The following MTRF1 variants were observed in gnomAD, a reference collection of about 807,000 sequenced individuals.
MTRF1 encodes peptide chain release factor 1, mitochondrial.
A neutral mutation model predicts 62.9 loss-of-function variants in MTRF1; 51 were observed. That is an observed-to-expected ratio of 0.81 (90% CI 0.65 to 1.02). The LOEUF is 1.02. MTRF1 is among the 50% of genes least tolerant of loss of function. MTRF1 has a pLI of 0.00. For missense variants in MTRF1, 446 were observed against 530.0 expected (o/e 0.84, Z 1.56); for synonymous variants, 158 against 181.9 (o/e 0.87, Z 1.06).
At chr13:41,287,869 C>T in the MTRF1 span, 18 of 338,950 alleles carry the variant, frequency 5.3e-5, no homozygotes, top group Admixed American at 1.6e-4. Context: ...TATTTTAAAG[C>T]GCCAATCTCC....
chr13:41,225,065 A>T (rs2034114620), intron 8 of MTRF1, among the ~76,000 whole-genome samples: 1 of 152,064 alleles, frequency 6.6e-6, no homozygotes, highest in Non-Finnish European at 1.5e-5. Flanking sequence ...TACAAAAATG[A>T]GCCAGGCATG....
the MTRF1 span, among the ~76,000 whole-genome samples, chr13:41,306,130 C>T: frequency 6.6e-6 from 1 of 152,074 alleles, no homozygotes; most frequent in African/African-American, 2.4e-5. Flanking sequence ...CGCCTGTAAT[C>T]CCAGCACTTT....
At chr13:41,232,162 AG>A (rs1010113642) in intron 7 of MTRF1, among the ~76,000 whole-genome samples, 1 of 152,148 alleles carries the variant, frequency 6.6e-6, no homozygotes, top group African/African-American at 2.4e-5. Context: ...AGAGAACTTC[AG>A]GGAAACTAAA....
intron 7 of MTRF1, chr13:41,229,573 C>T (rs1471933393): frequency 1.3e-5 from 2 of 152,118 alleles, no homozygotes; most frequent in Admixed American, 6.5e-5. Context: ...TTTATGGCTA[C>T]ATAGGGTGGT....
At chr13:41,292,580 C>CAAAA in the MTRF1 span, among the ~76,000 whole-genome samples, 3 of 61,226 alleles carry the variant, frequency 4.9e-5, no homozygotes, top group African/African-American at 1.2e-4. Context: ...GATTCTGTCT[C>CAAAA]AAAAAAAAAA....
At chr13:41,282,070 G>A in the MTRF1 span, among the ~76,000 whole-genome samples, 4 of 151,636 alleles carry the variant, frequency 2.6e-5, no homozygotes, top group Admixed American at 2.0e-4. Context: ...CCCGGGAGGC[G>A]GAGCTTGCAG....
the MTRF1 span, among the ~76,000 whole-genome samples, chr13:41,287,185 T>C: frequency 1.3e-5 from 2 of 152,210 alleles, no homozygotes; most frequent in East Asian, 1.9e-4. Context: ...TTTAATTGGC[T>C]CACGGTTTTG....
chr13:41,222,981 G>A (rs2033702864), intron 9 of MTRF1, among the ~76,000 whole-genome samples: 1 of 152,182 alleles, frequency 6.6e-6, no homozygotes, highest in South Asian at 2.1e-4. Flanking sequence ...CAATACCCAT[G>A]TATATATGCA....
the MTRF1 span, among the ~76,000 whole-genome samples, chr13:41,307,341 C>T: frequency 6.6e-6 from 1 of 152,162 alleles, no homozygotes; most frequent in African/African-American, 2.4e-5. Context: ...AAGTGTGTAG[C>T]ACCGCTGGGC....
the MTRF1 span, among the ~76,000 whole-genome samples, chr13:41,294,551 A>T: frequency 1.4e-4 from 21 of 152,152 alleles, no homozygotes; most frequent in Non-Finnish European, 2.5e-4. Context: ...AGAACCGGTA[A>T]GTAGGAGAGT....
the MTRF1 span, among the ~76,000 whole-genome samples, chr13:41,274,321 G>A: frequency 6.6e-6 from 1 of 152,176 alleles, no homozygotes; most frequent in Admixed American, 6.6e-5. Context: ...AGATCCTCAT[G>A]TTTCAGCTCG....
chr13:41,265,431 A>G (rs1679032488), upstream of MTRF1, among the ~76,000 whole-genome samples: 1 of 152,174 alleles, frequency 6.6e-6, no homozygotes, highest in Non-Finnish European at 1.5e-5. Context: ...CAAAAAAAAA[A>G]AAAAGTAGTC....
chr13:41,239,164 G>T (rs1010632289), intron 6 of MTRF1, among the ~76,000 whole-genome samples: 1 of 151,920 alleles, frequency 6.6e-6, no homozygotes, highest in Admixed American at 6.6e-5. Flanking sequence ...TACTCAGGAG[G>T]TTAAGGCAGG....
the MTRF1 span, among the ~76,000 whole-genome samples, chr13:41,269,434 G>T: frequency 6.6e-6 from 1 of 151,792 alleles, no homozygotes; most frequent in African/African-American, 2.4e-5. Context: ...TCCTGACCAT[G>T]TGATCTGCCT....
chr13:41,296,846 T>C, the MTRF1 span, among the ~76,000 whole-genome samples: 5 of 152,188 alleles, frequency 3.3e-5, no homozygotes, highest in Non-Finnish European at 7.3e-5. Context: ...TTTTAAATGC[T>C]GCACGTAATA....
At chr13:41,283,182 C>G in the MTRF1 span, among the ~76,000 whole-genome samples, 41 of 152,310 alleles carry the variant, frequency 2.7e-4, no homozygotes, top group Non-Finnish European at 5.9e-5. Flanking sequence ...TCACACAGTT[C>G]CAGACTTAAT....
At chr13:41,310,395 G>A in the MTRF1 span, among the ~76,000 whole-genome samples, 19 of 152,248 alleles carry the variant, frequency 1.2e-4, no homozygotes, top group Admixed American at 2.0e-4. Flanking sequence ...TTCCGGCCAG[G>A]TGTGGTGGCT....
chr13:41,297,599 C>T, the MTRF1 span, among the ~76,000 whole-genome samples: 8 of 150,822 alleles, frequency 5.3e-5, no homozygotes, highest in African/African-American at 1.5e-4. Flanking sequence ...TTTCTGAGAC[C>T]GGGTCTTGCT....
At chr13:41,241,051 TTTG>T (rs1163475266) in intron 5 of MTRF1, among the ~76,000 whole-genome samples, 3 of 152,178 alleles carry the variant, frequency 2.0e-5, no homozygotes, top group Non-Finnish European at 2.9e-5. Flanking sequence ...TTGTTCTTTT[TTTG>T]TTGTTGTTGA....
Sources: gnomAD v4.1 joint callset for allele counts (sites outside exome capture counted in the v4.1 genomes callset) on GRCh38, gnomAD v4.1.1 for gene constraint, MANE v1.5 for transcripts, NCBI Gene and HGNC (gene_info 2026-07-23, HGNC 2026-07-21) for gene names.